IL1RAPL2: variants seen among roughly 807,000 people sequenced by gnomAD.
IL1RAPL2 encodes the protein interleukin 1 receptor accessory protein like 2, also known as X-linked interleukin-1 receptor accessory protein-like 2.
IL1RAPL2 carries 3 observed loss-of-function variants against 44.1 expected under a neutral mutation model. That is an observed-to-expected ratio of 0.07 (90% CI 0.03 to 0.18). The LOEUF is 0.18. IL1RAPL2 is among the 10% of genes least tolerant of loss of function. The pLI, the probability that IL1RAPL2 is intolerant of heterozygous loss-of-function variation, is 1.00. For missense variants in IL1RAPL2, 391 were observed against 496.4 expected, an observed-to-expected ratio of 0.79 and a Z score of 2.02; for synonymous variants, 181 against 178.8, an observed-to-expected ratio of 1.01 and a Z score of -0.10.
At chrX:104,873,027 C>T in intron 2 of IL1RAPL2, among the ~76,000 whole-genome samples, 1 of 111,458 alleles carries the variant, frequency 9.0e-6, no homozygotes, top group Non-Finnish European at 1.9e-5. Context: ...TGTATATAGA[C>T]ACACACACAT....
At chrX:104,809,016 A>C (rs192523960) in intron 2 of IL1RAPL2, among the ~76,000 whole-genome samples, 1 of 111,761 alleles carries the variant, frequency 8.9e-6, no homozygotes, top group African/African-American at 3.3e-5. Context: ...TAGATGATAT[A>C]AATTGCCTAG....
intron 1 of IL1RAPL2, among the ~76,000 whole-genome samples, chrX:104,573,990 TAAAA>T (rs755723946): frequency 9.0e-6 from 1 of 111,223 alleles, no homozygotes; most frequent in Admixed American, 9.5e-5. Context: ...GATTTAAATG[TAAAA>T]AAAACTATAA....
chrX:105,572,491 A>G (rs1456068663), intron 6 of IL1RAPL2, among the ~76,000 whole-genome samples: 1 of 111,995 alleles, frequency 8.9e-6, no homozygotes, highest in East Asian at 2.8e-4. Flanking sequence ...GTACAGGTAT[A>G]ACTTATTTTA....
At chrX:104,911,482 G>C (rs1301385749) in intron 2 of IL1RAPL2, among the ~76,000 whole-genome samples, 4 of 111,037 alleles carry the variant, frequency 3.6e-5, no homozygotes, top group African/African-American at 1.3e-4. Flanking sequence ...TAGTGAGTGA[G>C]GTCCTGTTGA....
chrX:105,064,483 G>A (rs1474352436), intron 2 of IL1RAPL2, among the ~76,000 whole-genome samples: 2 of 111,858 alleles, frequency 1.8e-5, no homozygotes, highest in Non-Finnish European at 3.8e-5. Context: ...TGTTCCTTGG[G>A]TTAGGGATGA....
chrX:104,634,909 T>C (rs931875839), intron 1 of IL1RAPL2, among the ~76,000 whole-genome samples: 6 of 111,579 alleles, frequency 5.4e-5, no homozygotes, highest in Non-Finnish European at 9.4e-5. Context: ...TTATTTTGCT[T>C]GTTAGTTGAT....
chrX:105,101,680 G>A (rs2032672754), intron 2 of IL1RAPL2, among the ~76,000 whole-genome samples: 1 of 54,405 alleles, frequency 1.8e-5, no homozygotes, highest in African/African-American at 1.8e-4. Context: ...ATTTGGAGAT[G>A]TTAAAAAAAA....
chrX:105,115,114 G>A (rs1257318260), intron 2 of IL1RAPL2, among the ~76,000 whole-genome samples: 1 of 111,238 alleles, frequency 9.0e-6, no homozygotes, highest in Non-Finnish European at 1.9e-5. Context: ...CTTAAAGGTG[G>A]TGTGTCTGGG....
At chrX:105,740,103 T>C (rs1213670717) in intron 7 of IL1RAPL2, among the ~76,000 whole-genome samples, 2 of 109,622 alleles carry the variant, frequency 1.8e-5, no homozygotes, top group Non-Finnish European at 3.8e-5. Flanking sequence ...TGGCCAGTGA[T>C]GATGGGCAGT....
chrX:105,725,344 A>C (rs762885007), intron 7 of IL1RAPL2, among the ~76,000 whole-genome samples: 11 of 111,872 alleles, frequency 9.8e-5, no homozygotes, highest in Non-Finnish European at 1.7e-4. Context: ...TAAAATGCAA[A>C]TAATTTTATT....
chrX:105,440,436 C>T (rs781336226), intron 5 of IL1RAPL2, among the ~76,000 whole-genome samples: 12 of 111,748 alleles, frequency 1.1e-4, no homozygotes, highest in Non-Finnish European at 1.9e-4. Flanking sequence ...CTTTAGACCA[C>T]GGAACTCTGA....
intron 5 of IL1RAPL2, among the ~76,000 whole-genome samples, chrX:105,336,166 G>A (rs1289590487): frequency 8.9e-6 from 1 of 111,957 alleles, no homozygotes. Context: ...AGAGCCATTC[G>A]GCTCAAAAGA....
At chrX:105,057,386 A>G (rs2032007846) in intron 2 of IL1RAPL2, among the ~76,000 whole-genome samples, 1 of 112,060 alleles carries the variant, frequency 8.9e-6, no homozygotes, top group Non-Finnish European at 1.9e-5. Flanking sequence ...ATGTTTGGCT[A>G]AGGAAAAGGC....
intron 6 of IL1RAPL2, among the ~76,000 whole-genome samples, chrX:105,505,265 T>G (rs747605393): frequency 1.9e-4 from 21 of 112,142 alleles, no homozygotes; most frequent in Non-Finnish European, 3.0e-4. Flanking sequence ...CAGGCACCAT[T>G]ATAAACACTG....
At chrX:104,570,942 T>A (rs758338777) in intron 1 of IL1RAPL2, among the ~76,000 whole-genome samples, 1 of 109,907 alleles carries the variant, frequency 9.1e-6, no homozygotes, top group Admixed American at 9.6e-5. Flanking sequence ...AAGCAAACTT[T>A]TGTTTTTTTT....
intron 8 of IL1RAPL2, among the ~76,000 whole-genome samples, chrX:105,747,716 G>T (rs1046907859): frequency 1.8e-5 from 2 of 108,944 alleles, no homozygotes; most frequent in Admixed American, 9.9e-5. Flanking sequence ...TGGCTTTCAA[G>T]AGTGACAGAC....
intron 2 of IL1RAPL2, among the ~76,000 whole-genome samples, chrX:104,745,197 T>C (rs572322783): frequency 3.6e-5 from 4 of 111,597 alleles, no homozygotes; most frequent in African/African-American, 9.8e-5. Context: ...CTGATTTTCC[T>C]TTACGTGCTT....
chrX:105,202,106 T>C (rs145445202), intron 3 of IL1RAPL2, among the ~76,000 whole-genome samples: 1,952 of 112,031 alleles, frequency 0.017, 50 homozygotes, highest in African/African-American at 0.058. Flanking sequence ...TTAAATTAGA[T>C]ATGTTGTAAT....
intron 2 of IL1RAPL2, among the ~76,000 whole-genome samples, chrX:104,937,440 GGA>G (rs1925055029): frequency 8.9e-6 from 1 of 112,022 alleles, no homozygotes; most frequent in Admixed American, 9.5e-5. Flanking sequence ...GGATGGAAAA[GGA>G]GAGAGTGGAG....
Sources: gnomAD v4.1 joint callset for allele counts (sites outside exome capture counted in the v4.1 genomes callset) on GRCh38, gnomAD v4.1.1 for gene constraint, MANE v1.5 for transcripts, NCBI Gene and HGNC (gene_info 2026-07-23, HGNC 2026-07-21) for gene names.